FER: variants seen among roughly 807,000 people sequenced by gnomAD.
The protein encoded by FER is FER tyrosine kinase.
FER carries 63 observed loss-of-function variants against 111.0 expected under a neutral mutation model. The ratio of observed to expected loss-of-function variants is 0.57; its 90% confidence interval spans 0.46 to 0.70. FER has a LOEUF of 0.70. Among genes scored for constraint, FER ranks in the 30% least tolerant of loss-of-function variants. The probability of loss-of-function intolerance (pLI) is 0.00; values close to 1 mark genes in which losing one functional copy is unlikely to be tolerated. For missense variants in FER, 914 were observed against 954.0 expected (o/e 0.96, Z 0.55); for synonymous variants, 327 against 313.9 (o/e 1.04, Z -0.44).
intron 10 of FER, among the ~76,000 whole-genome samples, chr5:108,942,641 T>C (rs547347866): frequency 9.2e-5 from 14 of 152,304 alleles, no homozygotes; most frequent in African/African-American, 3.4e-4. Context: ...CTATCTTTCA[T>C]TGTGCCCAGC....
intron 13 of FER, among the ~76,000 whole-genome samples, chr5:108,989,201 G>A (rs948563320): frequency 2.0e-5 from 3 of 151,964 alleles, no homozygotes; most frequent in Non-Finnish European, 4.4e-5. Context: ...TGGATGCTGA[G>A]TGTTACTCGT....
rs115591311 is a variant in FER, at chr5:108,772,874, G to A, written c.-60+4636G>A. 4.5e-3 allele frequency among the ~76,000 whole-genome samples: 687 copies of A among 152,252 alleles called. 4 individuals are homozygous for A. Among genetic ancestry groups the A allele is most frequent in the African/African-American group, 0.016 (646 of 41,550 alleles). ...TAGCTTTGGACATTATAAAGCAGTAGCAGTCTAGTCTTTCAGAAATGCATA... is the reference window on the plus strand; with the variant it reads ...TAGCTTTGGACATTATAAAGCAGTAACAGTCTAGTCTTTCAGAAATGCATA... On this transcript the variant is annotated intron_variant, in intron 2 of 19. Transcript: ENST00000281092.
At chr5:109,035,277 G>A (rs72790567) in intron 13 of FER, among the ~76,000 whole-genome samples, 16,856 of 151,936 alleles carry the variant, frequency 0.11, 1,041 homozygotes, top group Non-Finnish European at 0.14. Flanking sequence ...CCGCAAAGTT[G>A]CTTCTTTCCC....
At chr5:108,823,432 T>A (rs1445586471) in intron 3 of FER, among the ~76,000 whole-genome samples, 1 of 152,216 alleles carries the variant, frequency 6.6e-6, no homozygotes, top group Non-Finnish European at 1.5e-5. Flanking sequence ...TTCACATCTT[T>A]GTCAACACTT....
chr5:109,173,000 A>C (rs1757305635), intron 17 of FER, among the ~76,000 whole-genome samples: 1 of 152,194 alleles, frequency 6.6e-6, no homozygotes. Context: ...TTATCACTAT[A>C]TGTTTGGTTC....
chr5:108,988,647 T>C (rs922763641), intron 13 of FER, among the ~76,000 whole-genome samples: 1 of 152,186 alleles, frequency 6.6e-6, no homozygotes, highest in Non-Finnish European at 1.5e-5. Context: ...ATTTCAATTA[T>C]AATTGAGCTT....
intron 13 of FER, among the ~76,000 whole-genome samples, chr5:109,034,840 T>C (rs1304224138): frequency 2.0e-5 from 3 of 152,132 alleles, no homozygotes; most frequent in Non-Finnish European, 4.4e-5. Flanking sequence ...CAGATGGCAC[T>C]CTTAGAAGAA....
intron 13 of FER, among the ~76,000 whole-genome samples, chr5:109,010,800 T>G (rs1214907214): frequency 6.6e-6 from 1 of 152,226 alleles, no homozygotes. Flanking sequence ...TCAGAGCCAT[T>G]ATTCAGGTTT....
intron 13 of FER, among the ~76,000 whole-genome samples, chr5:109,000,537 CA>C (rs1425456461): frequency 1.3e-5 from 2 of 151,538 alleles, no homozygotes; most frequent in Non-Finnish European, 2.9e-5. Context: ...ATGAAATGCC[CA>C]CAAGAGAAAG....
At chr5:108,997,973 A>G (rs1227584903) in intron 13 of FER, among the ~76,000 whole-genome samples, 3 of 151,874 alleles carry the variant, frequency 2.0e-5, no homozygotes, top group Non-Finnish European at 4.4e-5. Context: ...GCAATGGTGG[A>G]CACCTTACCC....
At chr5:109,115,360 G>A (rs578152445) in intron 17 of FER, among the ~76,000 whole-genome samples, 1 of 152,170 alleles carries the variant, frequency 6.6e-6, no homozygotes, top group Non-Finnish European at 1.5e-5. Context: ...TGACTCCTAG[G>A]TTTCTCAGAT....
chr5:108,798,443 A>C, intron 3 of FER, 54 bp downstream of exon 3: 1 of 1,366,196 alleles, frequency 7.3e-7, no homozygotes, highest in South Asian at 1.2e-5. Flanking sequence ...TTGTCCTTAA[A>C]ATGCAATAGC....
intron 13 of FER, among the ~76,000 whole-genome samples, chr5:109,013,635 G>T (rs1766622662): frequency 6.6e-6 from 1 of 151,294 alleles, no homozygotes; most frequent in African/African-American, 2.4e-5. Flanking sequence ...TCTAGTTCTA[G>T]ATCCCTGAGG....
chr5:108,963,220 G>A (rs896550244), intron 13 of FER, among the ~76,000 whole-genome samples: 4 of 152,142 alleles, frequency 2.6e-5, no homozygotes, highest in Non-Finnish European at 5.9e-5. Context: ...ATGTTTTTAA[G>A]TAAGAAATCG....
At chr5:108,921,344 G>A (rs773402653) in intron 10 of FER, among the ~76,000 whole-genome samples, 3 of 152,084 alleles carry the variant, frequency 2.0e-5, no homozygotes, top group Non-Finnish European at 4.4e-5. Flanking sequence ...TGGTATGTAT[G>A]TATGTATGTG....
rs775191151 is a variant in FER, at chr5:108,872,062, A to G, written c.804-31A>G. On this transcript the variant is annotated intron_variant, in intron 7 of 19. Transcript: ENST00000281092. Reference sequence around the variant, plus strand: ...GATATATTATGATACTGTATTTACAATGATCAAAATTATTTGCCATGCTTT... The same window carrying G: ...GATATATTATGATACTGTATTTACAGTGATCAAAATTATTTGCCATGCTTT... 2.1e-5 allele frequency: 33 copies of G among 1,601,880 alleles called. No individual in the cohort carries two copies. The African/African-American group carries it at 2.6e-4, about 12-fold the overall frequency.
chr5:108,804,543 G>A (rs994617392), intron 3 of FER, among the ~76,000 whole-genome samples: 22 of 152,092 alleles, frequency 1.4e-4, no homozygotes, highest in African/African-American at 4.8e-4. Flanking sequence ...ATCATGAAGC[G>A]ATGATGGATT....
At chr5:109,086,327 C>T (rs1777562847) in intron 16 of FER, among the ~76,000 whole-genome samples, 1 of 151,450 alleles carries the variant, frequency 6.6e-6, no homozygotes, top group Admixed American at 6.6e-5. Flanking sequence ...TTATCATATC[C>T]CCTAATTATT....
chr5:109,080,569 A>G (rs1019357568), intron 16 of FER, among the ~76,000 whole-genome samples: 7 of 152,088 alleles, frequency 4.6e-5, no homozygotes, highest in African/African-American at 1.7e-4. Flanking sequence ...GAATAATGGG[A>G]GTAAGTTCTC....
Sources: gnomAD v4.1 joint callset for allele counts (sites outside exome capture counted in the v4.1 genomes callset) on GRCh38, gnomAD v4.1.1 for gene constraint, MANE v1.5 for transcripts, NCBI Gene and HGNC (gene_info 2026-07-23, HGNC 2026-07-21) for gene names.